Variants in TRNT1 observed in about 807,000 individuals in gnomAD.
TRNT1 encodes CCA tRNA nucleotidyltransferase 1, mitochondrial.
In TRNT1, 44 loss-of-function variants were observed where a neutral mutation model predicts 45.6. That is an observed-to-expected ratio of 0.97 (90% CI 0.76 to 1.24). The LOEUF (loss-of-function observed/expected upper bound fraction) is 1.24. TRNT1 is among the 50% of genes most tolerant of loss of function. The pLI, the probability that TRNT1 is intolerant of heterozygous loss-of-function variation, is 0.00. For synonymous variants in TRNT1, 201 were observed against 171.4 expected (o/e 1.17, Z -1.35); for missense variants, 633 against 504.4 (o/e 1.25, Z -2.44).
chr3:3,145,701 A>G (rs900061065), intron 5 of TRNT1: 2 of 152,094 alleles, frequency 1.3e-5, no homozygotes, highest in African/African-American at 2.4e-5. Context: ...ATAACAGAAC[A>G]TGGATATTTT....
chr3:3,142,736 T>C (rs2126027470), intron 4 of TRNT1, among the ~76,000 whole-genome samples: 1 of 152,326 alleles, frequency 6.6e-6, no homozygotes, highest in East Asian at 1.9e-4. Context: ...AATTTTGATC[T>C]TGCCTTTAGG....
chr3:3,147,799 C>G, intron 7 of TRNT1, 96 bp downstream of exon 7: 1 of 1,516,858 alleles, frequency 6.6e-7, no homozygotes, highest in Non-Finnish European at 8.8e-7. Context: ...GTGAATTTTA[C>G]TTATTTTAAA....
chr3:3,144,358 T>G (rs957495886), intron 4 of TRNT1, among the ~76,000 whole-genome samples: 1 of 152,250 alleles, frequency 6.6e-6, no homozygotes, highest in Non-Finnish European at 1.5e-5. Flanking sequence ...TAGTTTATTC[T>G]TGGATTATCT....
chr3:3,136,053 C>T (rs1449280234), intron 2 of TRNT1, among the ~76,000 whole-genome samples: 1 of 152,058 alleles, frequency 6.6e-6, no homozygotes, highest in Non-Finnish European at 1.5e-5. Context: ...TAATGGTTTC[C>T]TAGAAGTTGA....
At chr3:3,131,043 T>A (rs1704988109) in intron 2 of TRNT1, among the ~76,000 whole-genome samples, 1 of 151,246 alleles carries the variant, frequency 6.6e-6, no homozygotes, top group Non-Finnish European at 1.5e-5. Context: ...ATTGTGCCAC[T>A]ACACTCCAGC....
chr3:3,138,966 T>C (rs1201940649), intron 3 of TRNT1, among the ~76,000 whole-genome samples: 2 of 152,182 alleles, frequency 1.3e-5, no homozygotes, highest in Non-Finnish European at 2.9e-5. Context: ...TAAGTCTCAG[T>C]AGGAGTTTTC....
At chr3:3,140,108 G>T (rs1466172984) in intron 3 of TRNT1, among the ~76,000 whole-genome samples, 2 of 152,130 alleles carry the variant, frequency 1.3e-5, no homozygotes, top group Non-Finnish European at 1.5e-5. Flanking sequence ...TCAGTCTTTC[G>T]CTCAATGGCA....
intron 2 of TRNT1, among the ~76,000 whole-genome samples, chr3:3,134,755 A>T (rs1438245768): frequency 1.3e-5 from 2 of 152,156 alleles, no homozygotes; most frequent in African/African-American, 4.8e-5. Context: ...CAGTTTAATT[A>T]TGAGCCAGAT....
In TRNT1 at chr3:3,146,583, G is replaced by T; in HGVS notation, c.762G>T (p.Leu254Phe). The change falls in exon 6 of 8, where the codon TTG (leucine) becomes TTT (phenylalanine). Residue 254 changes from leucine (L) to phenylalanine (F), a missense_variant. By Grantham distance (22) the Leu-to-Phe change is conservative. Transcript: ENST00000251607. The stretch of plus-strand genomic sequence containing the variant: ...TTGTTGGTAACCATGTAAATCATTT[G>T]ATTCACCTTATCTATGATCTTGATG... ...KILVGNHVNH[L>F]IHLIYDLDVA... 1 of 1,613,694 alleles carries T rather than the reference G, an allele frequency of 6.2e-7. No homozygotes were observed. The highest frequency in any genetic ancestry group is 1.1e-5 in the South Asian group (1 of 91,002).
At chr3:3,146,820 G>T (rs1015703154) in intron 6 of TRNT1, among the ~76,000 whole-genome samples, 197 bp downstream of exon 6, 1 of 152,168 alleles carries the variant, frequency 6.6e-6, no homozygotes, top group Non-Finnish European at 1.5e-5. Flanking sequence ...TGTGGTGCTT[G>T]TAGAGTAGTC....
At position 3,148,500 on chromosome 3, in the gene TRNT1, A is replaced by C. The variant is rs963267502; in HGVS notation, c.*346A>C. On this transcript the variant is annotated 3_prime_UTR_variant, in exon 8 of 8. Coordinates refer to ENST00000251607, the MANE Select transcript of TRNT1 (RefSeq NM_182916.3). ...AAAGTGGTAACTGTCTTGAAGAAAA[A>C]ACGTTTATTGTTTGTTTGCAATTGA... The C allele has an allele frequency of 5.5e-5, 9 of 162,690 alleles. No individual in the cohort carries two copies. Among genetic ancestry groups the C allele is most frequent in the Non-Finnish European group, 1.2e-4 (9 of 74,980 alleles). The allele number at this position is 162,690 out of a possible 1,614,324, so 10.1% of individuals were successfully genotyped here.
intron 2 of TRNT1, chr3:3,131,435 A>C (rs559717706): frequency 6.6e-6 from 1 of 152,348 alleles, no homozygotes; most frequent in South Asian, 2.1e-4. Flanking sequence ...ACATCATTTT[A>C]ACAATTGTGT....
intron 1 of TRNT1, among the ~76,000 whole-genome samples, chr3:3,128,412 C>A (rs540995396): frequency 6.6e-6 from 1 of 151,988 alleles, no homozygotes; most frequent in Non-Finnish European, 1.5e-5. Context: ...GTCTGGCCAA[C>A]GTGGTAAAAC....
At chr3:3,150,766 T>A, downstream of TRNT1, 2 of 1,135,278 alleles carry the variant, frequency 1.8e-6, no homozygotes, top group Non-Finnish European at 2.6e-6. Context: ...TAGGTATTAA[T>A]GTTATGTTTA....
intron 1 of TRNT1, chr3:3,127,500 C>T (rs760126108): frequency 6.6e-6 from 1 of 152,262 alleles, no homozygotes; most frequent in African/African-American, 2.4e-5. Flanking sequence ...TGGGCAGGAC[C>T]CCCGTATGGG....
chr3:3,128,679 T>G (rs1433808172), intron 1 of TRNT1, among the ~76,000 whole-genome samples: 1 of 151,202 alleles, frequency 6.6e-6, no homozygotes, highest in African/African-American at 2.4e-5. Flanking sequence ...GGCAAAACTC[T>G]TGGGGGGCTT....
At chr3:3,151,384 T>G (rs1706537458), downstream of TRNT1, among the ~76,000 whole-genome samples, 1 of 152,216 alleles carries the variant, frequency 6.6e-6, no homozygotes, top group Non-Finnish European at 1.5e-5. Flanking sequence ...TGTACTGGCT[T>G]TTCCTTTGTT....
At chr3:3,144,499 T>C in intron 4 of TRNT1, 85 bp from the exon 5 acceptor site, 2 of 1,314,112 alleles carry the variant, frequency 1.5e-6, no homozygotes, top group Middle Eastern at 1.9e-4. Flanking sequence ...TTTTACTGTT[T>C]GTGATAGTGT....
At chr3:3,129,477 T>C (rs533201452) in intron 2 of TRNT1, 4 of 404,882 alleles carry the variant, frequency 9.9e-6, no homozygotes, top group African/African-American at 4.0e-5. Context: ...CTGTAATCTC[T>C]TGGGGAGGCC....
Sources: gnomAD v4.1 joint callset for allele counts (sites outside exome capture counted in the v4.1 genomes callset) on GRCh38, gnomAD v4.1.1 for gene constraint, MANE v1.5 for transcripts, NCBI Gene and HGNC (gene_info 2026-07-23, HGNC 2026-07-21) for gene names.